The following RADIL variants were observed in gnomAD, a reference collection of about 807,000 sequenced individuals.
RADIL encodes ras-associating and dilute domain-containing protein.
A neutral mutation model predicts 97.6 loss-of-function variants in RADIL; 99 were observed. The ratio of observed to expected loss-of-function variants is 1.01; its 90% CI spans 0.86 to 1.20. RADIL has a LOEUF of 1.20. Ranked by LOEUF, RADIL falls within the 50% of genes most tolerant of loss-of-function variation. RADIL has a pLI of 0.00. For synonymous variants in RADIL, 803 were observed against 691.8 expected, an observed-to-expected ratio of 1.16 and a Z score of -2.52; for missense variants, 1,765 against 1,498.9, an observed-to-expected ratio of 1.18 and a Z score of -2.93.
In RADIL at chr7:4,883,173, T is replaced by TCCCCCGCTGCGCCCCGCC. The variant is rs1784520197; in HGVS notation, c.-65+422_-65+423insGGCGGGGCGCAGCGGGGG. 6.6e-6 allele frequency among the ~76,000 whole-genome samples: 1 copy of TCCCCCGCTGCGCCCCGCC among 151,532 alleles called. No homozygotes were observed. Among genetic ancestry groups the TCCCCCGCTGCGCCCCGCC allele is most frequent in the African/African-American group, 2.4e-5 (1 of 41,210 alleles). On this transcript the variant is annotated intron_variant, in intron 1 of 14. Transcript: ENST00000399583. The surrounding 1 kb of genome is among the most constrained non-coding windows in gnomAD (Gnocchi z 7.1). ...GAGCGCGCGGAACCCTGCGCCCCGCTCCCCCGCTGCGCCCCGCTCCCCCGC... is the reference window on the plus strand; with the variant it reads ...GAGCGCGCGGAACCCTGCGCCCCGCTCCCCCGCTGCGCCCCGCCCCCCCGCTGCGCCCCGCTCCCCCGC...
rs377044569 is a variant in RADIL, at chr7:4,877,969, G to T, written c.171C>A (p.Thr57=). 1.0e-4 allele frequency: 163 copies of T among 1,611,620 alleles called. 1 individual carries two copies. Among genetic ancestry groups the T allele is most frequent in the Non-Finnish European group, 1.6e-5 (19 of 1,179,970 alleles). The part of the protein sequence containing the change: ...GASDDPAELS[T]QLSAPGVLKV... The stretch of plus-strand genomic sequence containing the variant: ...TCAGGACACCAGGGGCCGACAGCTG[G>T]GTGGAGAGCTCGGCGGGGTCATCGC... The change falls in exon 2 of 15, where the codon ACC becomes ACA. Residue 57 remains threonine (T), a synonymous_variant. Coordinates refer to ENST00000399583, the MANE Select transcript of RADIL (RefSeq NM_018059.5).
At chr7:4,811,730 A>G (rs932629380) in intron 9 of RADIL, among the ~76,000 whole-genome samples, 30 of 151,716 alleles carry the variant, frequency 2.0e-4, no homozygotes, top group South Asian at 4.2e-4. Flanking sequence ...CTCGTGATCC[A>G]CCCAACTCGG....
chr7:4,835,001 T>G lies in RADIL; in HGVS notation c.1022A>C (p.His341Pro). The change falls in exon 4 of 15, where the codon CAC (histidine) becomes CCC (proline). Residue 341 changes from histidine (H) to proline (P), a missense_variant. Transcript: ENST00000399583. The surrounding 1 kb of genome is among the most constrained non-coding windows in gnomAD (Gnocchi z 5.8). ...EVGHRTVVLHHGDLLSLGLYY... is the reference protein window; with the variant it reads ...EVGHRTVVLHPGDLLSLGLYY... ...GAGCCCCAGGGAGAGCAGGTCCCCG[T>G]GGTGCAGCACCACGGTCCTGTGCCC... 6.2e-7 allele frequency: 1 copy of G among 1,611,486 alleles called. No homozygotes were observed. The highest frequency in any genetic ancestry group is 8.5e-7 in the Non-Finnish European group (1 of 1,179,354).
intron 5 of RADIL, among the ~76,000 whole-genome samples, chr7:4,827,234 A>G (rs796627259): frequency 6.4e-4 from 97 of 151,812 alleles, no homozygotes; most frequent in African/African-American, 2.1e-3. Context: ...GCATGGTGGC[A>G]GGCGCCTGTA....
chr7:4,851,441 T>G (rs1256913610), intron 2 of RADIL, among the ~76,000 whole-genome samples: 1 of 152,086 alleles, frequency 6.6e-6, no homozygotes, highest in African/African-American at 2.4e-5. Flanking sequence ...CTTTCCTAAA[T>G]CACCTCAGAG....
rs374735991 is a variant in RADIL, at chr7:4,873,286, A to C, written c.535+4319T>G. ...GGAAATTATTGAAAAACAGTGTTAC[A>C]GTGTTGAGCAACCTGGGGCTGGACT... On this transcript the variant is annotated intron_variant, in intron 2 of 14. Transcript: ENST00000399583. This position sits in a 1 kb window ranked among gnomAD's most constrained non-coding sequence, Gnocchi z 4.3. 1.3e-5 allele frequency among the ~76,000 whole-genome samples: 2 copies of C among 152,264 alleles called. No individual in the cohort carries two copies. The highest frequency in any genetic ancestry group is 4.8e-5 in the African/African-American group (2 of 41,558).
chr7:4,800,927 A>T (rs548993844), intron 12 of RADIL, among the ~76,000 whole-genome samples: 1 of 152,316 alleles, frequency 6.6e-6, no homozygotes, highest in South Asian at 2.1e-4. Context: ...TCGCTCCTGC[A>T]AGGCACACCC....
rs1267451303 is a variant in RADIL at position 4,798,080 on chromosome 7, A to G, written c.*1298T>C. ...ATGAATATGTAATATATTCATATAT[A>G]ATTATATATTTATATATATTCATAT... On this transcript the variant is annotated 3_prime_UTR_variant, in exon 15 of 15. Transcript: ENST00000399583. 6.7e-6 allele frequency: 1 copy of G among 148,184 alleles called. No homozygotes were observed. The highest frequency in any genetic ancestry group is 2.5e-5 in the African/African-American group (1 of 40,816). The allele number at this position is 148,184 out of a possible 1,614,324, so 9.2% of individuals were successfully genotyped here. A position where few individuals can be genotyped will look rare whatever the true frequency, so the allele number is the denominator to read the frequency against.
chr7:4,877,082 A>G (rs1390868572), intron 2 of RADIL, among the ~76,000 whole-genome samples: 2 of 152,212 alleles, frequency 1.3e-5, no homozygotes, highest in African/African-American at 4.8e-5. Context: ...TGTGGCCTCA[A>G]ATATTGCAAG....
intron 2 of RADIL, among the ~76,000 whole-genome samples, chr7:4,866,118 CTG>C (rs1784124811): frequency 6.6e-6 from 1 of 152,036 alleles, no homozygotes; most frequent in Non-Finnish European, 1.5e-5. Flanking sequence ...GTGATTATAT[CTG>C]TGTGTGTGCG....
Position 4,875,062 on chromosome 7 carries a change from G to T in RADIL, c.535+2543C>A, listed in dbSNP as rs532922981. 7.4e-3 allele frequency among the ~76,000 whole-genome samples: 1,027 copies of T among 139,060 alleles called. 18 individuals carry two copies. Among genetic ancestry groups the T allele is most frequent in the African/African-American group, 0.033 (961 of 29,312 alleles). 91.2% of individuals were successfully genotyped at this position (139,060 alleles called of 152,430 possible). On this transcript the variant is annotated intron_variant, in intron 2 of 14. Coordinates refer to ENST00000399583, the MANE Select transcript of RADIL (RefSeq NM_018059.5). Reference sequence around the variant, plus strand: ...AAAAAATTAGCCGGGCGTGGTGGCGGGCGCCTGTAGTCCCAGCTACTCGGG... The same window carrying T: ...AAAAAATTAGCCGGGCGTGGTGGCGTGCGCCTGTAGTCCCAGCTACTCGGG...
rs1230303650 is a variant in RADIL at position 4,817,018 on chromosome 7, A to G, written c.1728+221T>C. Among the ~76,000 whole-genome samples, 2 of 152,076 alleles carry G rather than the reference A, an allele frequency of 1.3e-5. No homozygotes were observed. The highest frequency in any genetic ancestry group is 2.9e-5 in the Non-Finnish European group (2 of 67,994). On this transcript the variant is annotated intron_variant, in intron 7 of 14. Coordinates refer to ENST00000399583, the MANE Select transcript of RADIL (RefSeq NM_018059.5). The surrounding 1 kb of genome is among the most constrained non-coding windows in gnomAD (Gnocchi z 8.3). ...TCAAGGCGAGGGAAAGGGAGCTGGG[A>G]TGGTTCTAGGGCTTCTGTGCGACCT...
intron 2 of RADIL, 40 bp from the exon 3 acceptor site, chr7:4,836,645 CAT>C (rs776970888): frequency 3.7e-6 from 6 of 1,601,378 alleles, no homozygotes; most frequent in Non-Finnish European, 5.1e-6. Context: ...TTAGAAGTCT[CAT>C]AGCACCAGGA....
At chr7:4,820,755 G>A (rs374799977) in intron 6 of RADIL, among the ~76,000 whole-genome samples, 2 of 152,154 alleles carry the variant, frequency 1.3e-5, no homozygotes, top group Admixed American at 6.5e-5. Context: ...CCTGTTCCAC[G>A]CGCCCTCAGT....
rs1782826637 is a variant in RADIL at position 4,821,394 on chromosome 7, G to GC, written c.1615+999dup. 6.6e-6 allele frequency among the ~76,000 whole-genome samples: 1 copy of GC among 152,182 alleles called. No individual in the cohort carries two copies. The highest frequency in any genetic ancestry group is 1.5e-5 in the Non-Finnish European group (1 of 68,018). On this transcript the variant is annotated intron_variant, in intron 6 of 14. Transcript: ENST00000399583. The surrounding 1 kb of genome is among the most constrained non-coding windows in gnomAD (Gnocchi z 5.2). ...CGCAGCACAGCAGCACAGTCCTGCT[G>GC]CCCCGTCTGGCTCCATTCCAGGCCC...
Position 4,822,560 on chromosome 7 carries a change from A to T in RADIL, c.1455-6T>A. 1 of 1,612,310 alleles carries T rather than the reference A, an allele frequency of 6.2e-7. No homozygotes were observed. The highest frequency in any genetic ancestry group is 8.5e-7 in the Non-Finnish European group (1 of 1,179,668). On this transcript the variant is annotated splice_polypyrimidine_tract_variant and splice_region_variant and intron_variant, in intron 5 of 14. Coordinates refer to ENST00000399583, the MANE Select transcript of RADIL (RefSeq NM_018059.5). The surrounding 1 kb of genome is among the most constrained non-coding windows in gnomAD (Gnocchi z 5.3). ...CCAGCGAGATGGGCTCCTGGCTACCAAGACAGAAAGACTAAGAGTTACGCG... is the reference window on the plus strand; with the variant it reads ...CCAGCGAGATGGGCTCCTGGCTACCTAGACAGAAAGACTAAGAGTTACGCG...
chr7:4,878,326 T>G lies in RADIL; in HGVS notation c.-64-123A>C. ...TAGAAGGCCAAGGTGGGAGGACGGC[T>G]TGAGCCCGGGAGTTCCAGACCAGCC... On this transcript the variant is annotated intron_variant, in intron 1 of 14. Transcript: ENST00000399583. The surrounding 1 kb of genome is among the most constrained non-coding windows in gnomAD (Gnocchi z 4.1). The G allele has an allele frequency of 1.5e-6, 1 of 655,246 alleles. No individual in the cohort carries two copies. The highest frequency in any genetic ancestry group is 1.8e-5 in the African/African-American group (1 of 54,694). 40.6% of individuals were successfully genotyped at this position (655,246 alleles called of 1,614,324 possible).
chr7:4,823,890 C>T (rs533288291), intron 5 of RADIL, among the ~76,000 whole-genome samples: 1 of 152,336 alleles, frequency 6.6e-6, no homozygotes, highest in Admixed American at 6.5e-5. Flanking sequence ...TCACAGGTTG[C>T]TCATCTGGTC....
rs1783406808 is a variant in RADIL, at chr7:4,840,239, A to G, written c.536-3634T>C. Among the ~76,000 whole-genome samples, 1 of 152,032 alleles carries G rather than the reference A, an allele frequency of 6.6e-6. No homozygotes were observed. Among genetic ancestry groups the G allele is most frequent in the South Asian group, 2.1e-4 (1 of 4,818 alleles). On this transcript the variant is annotated intron_variant, in intron 2 of 14. Transcript: ENST00000399583. The surrounding 1 kb of genome is among the most constrained non-coding windows in gnomAD (Gnocchi z 5.6). Reference sequence around the variant, plus strand: ...CCAAGTTCCCATAGAGAGAGCTGCAATCGTGCCCTGTTTGTGCCTGACCTG... The same window carrying G: ...CCAAGTTCCCATAGAGAGAGCTGCAGTCGTGCCCTGTTTGTGCCTGACCTG...
Sources: gnomAD v4.1 joint callset for allele counts (sites outside exome capture counted in the v4.1 genomes callset) on GRCh38, gnomAD v4.1.1 for gene constraint, Gnocchi (gnomAD v3.1) non-coding constraint, MANE v1.5 for transcripts, NCBI Gene and HGNC (gene_info 2026-07-23, HGNC 2026-07-21) for gene names.